NPEPPS: variants seen among roughly 807,000 people sequenced by gnomAD.
NPEPPS encodes aminopeptidase puromycin sensitive.
NPEPPS carries 14 observed loss-of-function variants against 115.5 expected under a neutral mutation model. That is an observed-to-expected ratio of 0.12 (90% CI 0.08 to 0.19). NPEPPS has a LOEUF of 0.19. Among genes scored for constraint, NPEPPS ranks in the 10% least tolerant of loss-of-function variants. The probability of loss-of-function intolerance (pLI) is 1.00; values close to 1 mark genes in which losing one functional copy is unlikely to be tolerated. For synonymous variants in NPEPPS, 285 were observed against 390.6 expected (o/e 0.73, Z 3.19); for missense variants, 523 against 1,110.8 (o/e 0.47, Z 7.52).
In NPEPPS at chr17:47,603,970, A is replaced by C. The variant is rs1913380621; in HGVS notation, c.1796A>C (p.Glu599Ala). 6.2e-7 allele frequency: 1 copy of C among 1,613,626 alleles called. No homozygotes were observed. Among genetic ancestry groups the C allele is most frequent in the African/African-American group, 1.3e-5 (1 of 74,926 alleles). The change falls in exon 16 of 23, where the codon GAA becomes GCA. Residue 599 changes from glutamate (E) to alanine (A), a missense_variant. This residue lies in a region of NPEPPS where 372 missense variants were observed against 542.6 expected (regional missense o/e 0.69). Coordinates refer to ENST00000322157, the MANE Select transcript of NPEPPS (RefSeq NM_006310.4). ...YRTQYSSAMLESLLPGIRDLS... is the reference protein window; with the variant it reads ...YRTQYSSAMLASLLPGIRDLS... ...ACCCAGTACAGCTCTGCCATGCTGGAAAGTTTATTACCAGGCATTCGTGAC... is the reference window on the plus strand; with the variant it reads ...ACCCAGTACAGCTCTGCCATGCTGGCAAGTTTATTACCAGGCATTCGTGAC...
At chr17:47,535,070 C>T (rs1234614192) in intron 1 of NPEPPS, among the ~76,000 whole-genome samples, 1 of 146,438 alleles carries the variant, frequency 6.8e-6, no homozygotes, top group Non-Finnish European at 1.5e-5. Context: ...CGGTGAAACC[C>T]CATCTCTACT....
intron 2 of NPEPPS, among the ~76,000 whole-genome samples, chr17:47,555,201 C>G (rs984548684): frequency 7.2e-5 from 11 of 152,078 alleles, no homozygotes; most frequent in Admixed American, 2.6e-4. Flanking sequence ...CATCAAGATA[C>G]TTACTAATTG....
rs942696688 is a variant in NPEPPS at position 47,531,180 on chromosome 17, G to T, written c.-121G>T. ...CCCTCCGCCCCCTTCCCCGTAGGCA[G>T]CCCGCCCGCCAGTCCGCCCGCACCG... On this transcript the variant is annotated 5_prime_UTR_variant, in exon 1 of 23. Transcript: ENST00000322157. The T allele has an allele frequency of 2.9e-5, 26 of 910,476 alleles. No individual in the cohort carries two copies. In the African/African-American group the frequency reaches 3.8e-4, roughly 13 times the overall value. 56.4% of individuals were successfully genotyped at this position (910,476 alleles called of 1,614,324 possible).
intron 12 of NPEPPS, 187 bp downstream of exon 12, chr17:47,592,732 A>C (rs1184954370): frequency 1.9e-6 from 1 of 531,364 alleles, no homozygotes; most frequent in African/African-American, 1.9e-5. Flanking sequence ...AATGCTCCAG[A>C]ATCTGAAACT....
intron 2 of NPEPPS, among the ~76,000 whole-genome samples, chr17:47,546,558 A>T (rs1909232641): frequency 6.6e-6 from 1 of 151,980 alleles, no homozygotes; most frequent in South Asian, 2.1e-4. Flanking sequence ...ATTTTTTTTG[A>T]GACAGAGTCT....
chr17:47,596,992 G>C (rs970110695), intron 13 of NPEPPS, among the ~76,000 whole-genome samples: 2 of 151,014 alleles, frequency 1.3e-5, no homozygotes, highest in African/African-American at 4.9e-5. Context: ...AAGTTGCAGC[G>C]AGCCGAGATT....
rs182822919 is a variant in NPEPPS at position 47,573,585 on chromosome 17, C to T, written c.418+4091C>T. 7.2e-3 allele frequency among the ~76,000 whole-genome samples: 1,090 copies of T among 152,198 alleles called. 8 individuals carry two copies. The highest frequency in any genetic ancestry group is 0.022 in the African/African-American group (895 of 41,542). On this transcript the variant is annotated intron_variant, in intron 3 of 22. Coordinates refer to ENST00000322157, the MANE Select transcript of NPEPPS (RefSeq NM_006310.4). ...GAAAAATGAAGAAATAGGCCATGGT[C>T]GTGGCTCATGCCTGTAATCCCAACA...
intron 13 of NPEPPS, among the ~76,000 whole-genome samples, chr17:47,599,176 G>A (rs1913044847): frequency 1.3e-5 from 2 of 151,838 alleles, no homozygotes; most frequent in African/African-American, 2.4e-5. Context: ...ACTTTCTCAG[G>A]GAAATCTGTG....
chr17:47,603,986 C>G lies in NPEPPS; in HGVS notation c.1812C>G (p.Gly604=). 1.2e-6 allele frequency: 2 copies of G among 1,613,696 alleles called. No individual in the cohort carries two copies. The highest frequency in any genetic ancestry group is 1.7e-6 in the Non-Finnish European group (2 of 1,179,694). ...CCATGCTGGAAAGTTTATTACCAGG[C>G]ATTCGTGACCTTTCTCTGCCCCCTG... ...SSAMLESLLP[G]IRDLSLPPVD... Residue 604 remains glycine, a synonymous_variant, in exon 16 of 23, where the codon GGC becomes GGG. Transcript: ENST00000322157.
chr17:47,603,420 A>G (rs1913342930), intron 15 of NPEPPS: 1 of 152,242 alleles, frequency 6.6e-6, no homozygotes, highest in African/African-American at 2.4e-5. Context: ...TCAAAAAGAA[A>G]AAAAAGAATA....
intron 3 of NPEPPS, among the ~76,000 whole-genome samples, chr17:47,576,423 C>T (rs1340934209): frequency 6.6e-6 from 1 of 152,084 alleles, no homozygotes; most frequent in Admixed American, 6.6e-5. Flanking sequence ...ACCCGGGAGC[C>T]GAAGGTTGCA....
intron 2 of NPEPPS, among the ~76,000 whole-genome samples, chr17:47,546,216 A>G (rs1456439167): frequency 2.0e-5 from 3 of 152,132 alleles, no homozygotes; most frequent in Non-Finnish European, 1.5e-5. Flanking sequence ...CCCTGAGCCC[A>G]TGAGTTTGAG....
intron 17 of NPEPPS, among the ~76,000 whole-genome samples, chr17:47,608,180 C>T (rs1240745864): frequency 6.6e-6 from 1 of 152,126 alleles, no homozygotes; most frequent in Admixed American, 6.5e-5. Context: ...TCAGGCCAGG[C>T]GTGGTAGCTC....
At chr17:47,570,876 G>T (rs954830783) in intron 3 of NPEPPS, among the ~76,000 whole-genome samples, 8 of 152,150 alleles carry the variant, frequency 5.3e-5, no homozygotes, top group African/African-American at 2.4e-5. Context: ...TTTTTGAAAA[G>T]CATTCTGGCA....
chr17:47,571,485 G>A (rs553959620), intron 3 of NPEPPS, among the ~76,000 whole-genome samples: 2 of 152,320 alleles, frequency 1.3e-5, no homozygotes, highest in Non-Finnish European at 2.9e-5. Context: ...TTGGGAGGCC[G>A]AGGCGGGTGG....
chr17:47,574,239 C>T (rs1158421312), intron 3 of NPEPPS, among the ~76,000 whole-genome samples: 1 of 151,656 alleles, frequency 6.6e-6, no homozygotes, highest in African/African-American at 2.4e-5. Flanking sequence ...GTTTTAAGAG[C>T]AGAAACAAAT....
In NPEPPS at chr17:47,585,376, A is replaced by G. The variant is rs556104992; in HGVS notation, c.649-124A>G. ...AGCACTGGATGAATTGGGGTAGAGA[A>G]ATAAGCCATGCTAGAATAGAAAGGG... On this transcript the variant is annotated intron_variant, in intron 5 of 22. Coordinates refer to ENST00000322157, the MANE Select transcript of NPEPPS (RefSeq NM_006310.4). 1.7e-5 allele frequency: 11 copies of G among 661,560 alleles called. No homozygotes were observed. The South Asian group carries it at 2.2e-4, about 13-fold the overall frequency. 41.0% of individuals were successfully genotyped at this position (661,560 alleles called of 1,614,324 possible).
rs556410333 is a variant in NPEPPS, at chr17:47,563,812, C to T, written c.341-5605C>T. 2.2e-4 allele frequency among the ~76,000 whole-genome samples: 33 copies of T among 152,122 alleles called. No homozygotes were observed. The East Asian group carries it at 3.1e-3, about 14-fold the overall frequency. ...GTCTCGATCTCTTGACCTCGTGATC[C>T]GCCCTCCTTGGCCTCCAAAAGTGCT... On this transcript the variant is annotated intron_variant, in intron 2 of 22. Coordinates refer to ENST00000322157, the MANE Select transcript of NPEPPS (RefSeq NM_006310.4).
chr17:47,610,413 C>T (rs1035037862), intron 17 of NPEPPS, among the ~76,000 whole-genome samples: 3 of 151,322 alleles, frequency 2.0e-5, no homozygotes, highest in African/African-American at 7.3e-5. Flanking sequence ...GTAACAGAGT[C>T]TCACACTGTT....
Sources: gnomAD v4.1 joint callset for allele counts (sites outside exome capture counted in the v4.1 genomes callset) on GRCh38, gnomAD v4.1.1 for gene constraint, gnomAD v4.1.1 regional missense constraint, MANE v1.5 for transcripts, NCBI Gene and HGNC (gene_info 2026-07-23, HGNC 2026-07-21) for gene names.